Variants in KLF12 observed in about 807,000 individuals in gnomAD.
The protein encoded by KLF12 is KLF transcription factor 12, also known as Krueppel-like factor 12.
In KLF12, 9 loss-of-function variants were observed where a neutral mutation model predicts 37.8. The ratio of observed to expected loss-of-function variants is 0.24; its 90% CI spans 0.14 to 0.42. The LOEUF is 0.42. Among genes scored for constraint, KLF12 ranks in the 10% least tolerant of loss-of-function variants. KLF12 has a pLI of 1.00. For synonymous variants in KLF12, 208 were observed against 202.1 expected, an observed-to-expected ratio of 1.03 and a Z score of -0.25; for missense variants, 411 against 516.0, an observed-to-expected ratio of 0.80 and a Z score of 1.97.
At chr13:73,874,657 A>G (rs1437760416) in intron 3 of KLF12, among the ~76,000 whole-genome samples, 3 of 152,156 alleles carry the variant, frequency 2.0e-5, no homozygotes, top group Non-Finnish European at 4.4e-5. Context: ...AGTACATCCT[A>G]TTATACCACC....
chr13:73,884,803 G>A (rs942787879), intron 3 of KLF12, among the ~76,000 whole-genome samples: 4 of 152,192 alleles, frequency 2.6e-5, no homozygotes, highest in East Asian at 1.9e-4. Context: ...ACTGGCCACA[G>A]AGAATTATAT....
At chr13:73,784,202 T>C (rs987387351) in intron 5 of KLF12, among the ~76,000 whole-genome samples, 1 of 152,190 alleles carries the variant, frequency 6.6e-6, no homozygotes, top group Admixed American at 6.5e-5. Flanking sequence ...TATCTTACTG[T>C]AATTCTTATG....
At chr13:74,202,391 A>T in the KLF12 span, among the ~76,000 whole-genome samples, 11 of 152,246 alleles carry the variant, frequency 7.2e-5, no homozygotes, top group African/African-American at 2.6e-4. Context: ...AACCTTCCAT[A>T]AACCTGCAAA....
At chr13:73,921,779 C>G (rs1223698980) in intron 3 of KLF12, among the ~76,000 whole-genome samples, 1 of 152,102 alleles carries the variant, frequency 6.6e-6, no homozygotes, top group Non-Finnish European at 1.5e-5. Flanking sequence ...ATGCTTAACC[C>G]ATATCTTTCT....
At chr13:74,179,370 C>T in the KLF12 span, among the ~76,000 whole-genome samples, 2 of 152,202 alleles carry the variant, frequency 1.3e-5, no homozygotes, top group African/African-American at 4.8e-5. Context: ...GAGATGATTG[C>T]TTCTTGGACA....
intron 5 of KLF12, among the ~76,000 whole-genome samples, chr13:73,805,660 G>A (rs1566380406): frequency 3.9e-5 from 2 of 50,686 alleles, no homozygotes; most frequent in Non-Finnish European, 7.8e-5. Flanking sequence ...GAGGAAGGAA[G>A]GAAGGAAGGA....
intron 5 of KLF12, chr13:73,800,830 T>G (rs1404748838): frequency 6.6e-6 from 1 of 152,136 alleles, no homozygotes; most frequent in Non-Finnish European, 1.5e-5. Flanking sequence ...GGCAGGATTC[T>G]ATTTTATTAT....
chr13:73,814,219 T>A (rs1009320554), intron 4 of KLF12, among the ~76,000 whole-genome samples: 11 of 152,312 alleles, frequency 7.2e-5, no homozygotes, highest in Non-Finnish European at 1.6e-4. Context: ...TGTTAAATTG[T>A]ATGGCTGCCT....
the KLF12 span, among the ~76,000 whole-genome samples, chr13:74,249,565 G>A: frequency 6.6e-6 from 1 of 152,080 alleles, no homozygotes; most frequent in Admixed American, 6.5e-5. Context: ...CATCAACACA[G>A]TATGTGAGAG....
chr13:73,831,179 T>G (rs957727822), intron 4 of KLF12, among the ~76,000 whole-genome samples: 1 of 152,200 alleles, frequency 6.6e-6, no homozygotes, highest in Non-Finnish European at 1.5e-5. Context: ...AATTAAGGCA[T>G]ACTTTTTAAA....
chr13:73,788,475 C>G (rs1881482823), intron 5 of KLF12, among the ~76,000 whole-genome samples: 1 of 152,102 alleles, frequency 6.6e-6, no homozygotes, highest in African/African-American at 2.4e-5. Flanking sequence ...TGCATGTAGG[C>G]AGCTATAGTT....
intron 3 of KLF12, among the ~76,000 whole-genome samples, chr13:73,909,967 CGTT>C (rs1250848634): frequency 6.6e-6 from 1 of 151,846 alleles, no homozygotes; most frequent in Non-Finnish European, 1.5e-5. Context: ...TACTTTCAAA[CGTT>C]ATTTTTTTTG....
At chr13:74,234,810 G>T in the KLF12 span, among the ~76,000 whole-genome samples, 5 of 151,000 alleles carry the variant, frequency 3.3e-5, no homozygotes, top group African/African-American at 9.7e-5. Flanking sequence ...ACCATTATAT[G>T]TATCGATACC....
At chr13:73,731,235 C>T (rs1877034197) in intron 6 of KLF12, among the ~76,000 whole-genome samples, 1 of 152,078 alleles carries the variant, frequency 6.6e-6, no homozygotes, top group South Asian at 2.1e-4. Context: ...GCCAGGATAA[C>T]ATCATTAGCC....
the KLF12 span, among the ~76,000 whole-genome samples, chr13:74,302,735 A>T: frequency 1.2e-3 from 188 of 152,174 alleles, no homozygotes; most frequent in Non-Finnish European, 2.3e-3. Flanking sequence ...CACATGTCCA[A>T]TGTGACTGCT....
chr13:74,032,792 G>A (rs1477693985), intron 1 of KLF12, among the ~76,000 whole-genome samples: 1 of 152,086 alleles, frequency 6.6e-6, no homozygotes, highest in Admixed American at 6.5e-5. Context: ...CTTCTTTGCT[G>A]CTGGCAGTGC....
intron 7 of KLF12, among the ~76,000 whole-genome samples, chr13:73,705,417 G>A (rs1874862459): frequency 6.6e-6 from 1 of 152,144 alleles, no homozygotes; most frequent in South Asian, 2.1e-4. Context: ...GGTACTACAG[G>A]TGTACACCAC....
At chr13:73,807,165 G>T (rs1280312307) in intron 5 of KLF12, among the ~76,000 whole-genome samples, 1 of 152,058 alleles carries the variant, frequency 6.6e-6, no homozygotes, top group Non-Finnish European at 1.5e-5. Flanking sequence ...AAAATTAGCT[G>T]GGCGTGGTGG....
intron 3 of KLF12, among the ~76,000 whole-genome samples, chr13:73,877,227 A>G (rs1215498984): frequency 6.6e-6 from 1 of 152,196 alleles, no homozygotes; most frequent in Non-Finnish European, 1.5e-5. Flanking sequence ...ATGTTATTAC[A>G]GTCTAATACT....
Sources: gnomAD v4.1 joint callset for allele counts (sites outside exome capture counted in the v4.1 genomes callset) on GRCh38, gnomAD v4.1.1 for gene constraint, MANE v1.5 for transcripts, NCBI Gene and HGNC (gene_info 2026-07-23, HGNC 2026-07-21) for gene names.